Variants in ADCY2 observed in about 807,000 individuals in gnomAD.
ADCY2 encodes adenylate cyclase type 2.
A neutral mutation model predicts 125.2 loss-of-function variants in ADCY2; 31 were observed. The ratio of observed to expected loss-of-function variants is 0.25; its 90% CI spans 0.19 to 0.33. The LOEUF (loss-of-function observed/expected upper bound fraction) is 0.33. ADCY2 is among the 10% of genes least tolerant of loss of function. ADCY2 has a pLI of 1.00. For missense variants in ADCY2, 904 were observed against 1,418.2 expected (o/e 0.64, Z 5.82); for synonymous variants, 512 against 548.4 (o/e 0.93, Z 0.93).
At chr5:7,554,327 A>C (rs1735437750) in intron 3 of ADCY2, among the ~76,000 whole-genome samples, 1 of 152,216 alleles carries the variant, frequency 6.6e-6, no homozygotes, top group Admixed American at 6.5e-5. Context: ...ACATGAGAGA[A>C]CTTGAGGGTT....
At chr5:7,633,792 G>T (rs113039693) in intron 4 of ADCY2, among the ~76,000 whole-genome samples, 9 of 152,280 alleles carry the variant, frequency 5.9e-5, no homozygotes, top group African/African-American at 2.2e-4. Flanking sequence ...GAGAGGACCT[G>T]ATTTTGATGT....
chr5:7,747,716 C>T (rs1374541457), intron 15 of ADCY2, among the ~76,000 whole-genome samples: 1 of 152,208 alleles, frequency 6.6e-6, no homozygotes, highest in African/African-American at 2.4e-5. Flanking sequence ...CTTTGCACCA[C>T]CAACTCCTCT....
chr5:7,411,814 G>C (rs1018796811), intron 1 of ADCY2, among the ~76,000 whole-genome samples: 1 of 152,026 alleles, frequency 6.6e-6, no homozygotes, highest in Non-Finnish European at 1.5e-5. Context: ...GGTGGCTCAC[G>C]CCTGTAATCC....
At chr5:7,825,638 A>G (rs1745451993) in intron 24 of ADCY2, among the ~76,000 whole-genome samples, 1 of 152,220 alleles carries the variant, frequency 6.6e-6, no homozygotes, top group Admixed American at 6.5e-5. Context: ...GATACCTGCT[A>G]GGGGACACTG....
intron 3 of ADCY2, among the ~76,000 whole-genome samples, chr5:7,621,063 A>G (rs1330616547): frequency 6.6e-6 from 1 of 152,216 alleles, no homozygotes; most frequent in Non-Finnish European, 1.5e-5. Flanking sequence ...AATGCATAAC[A>G]TATCAAAGCC....
intron 16 of ADCY2, among the ~76,000 whole-genome samples, chr5:7,760,197 G>A (rs1743149440): frequency 6.6e-6 from 1 of 152,238 alleles, no homozygotes; most frequent in South Asian, 2.1e-4. Context: ...AAGCATGAGT[G>A]TGTTTTCTAA....
At chr5:7,526,453 G>A (rs1734464804) in intron 3 of ADCY2, among the ~76,000 whole-genome samples, 1 of 126,746 alleles carries the variant, frequency 7.9e-6, no homozygotes, top group South Asian at 2.8e-4. Context: ...TTTCAAAATA[G>A]TTAGTAGAGA....
intron 1 of ADCY2, among the ~76,000 whole-genome samples, chr5:7,406,612 G>A (rs1460898372): frequency 6.6e-6 from 1 of 152,120 alleles, no homozygotes; most frequent in Non-Finnish European, 1.5e-5. Flanking sequence ...TCTTCCCCGG[G>A]AGGTCCTTCT....
chr5:7,673,249 A>ATATATATAT, intron 4 of ADCY2, among the ~76,000 whole-genome samples: 1 of 19,134 alleles, frequency 5.2e-5, no homozygotes, highest in African/African-American at 1.5e-4. Context: ...CAAAAAAAAA[A>ATATATATAT]AAAAAAAAAA....
intron 18 of ADCY2, among the ~76,000 whole-genome samples, chr5:7,776,193 TAAAAAAAA>T (rs11332766): frequency 1.1e-5 from 1 of 91,530 alleles, no homozygotes; most frequent in African/African-American, 4.3e-5. Flanking sequence ...GTGAGATCCT[TAAAAAAAA>T]AAAAAAAAAA....
At chr5:7,618,503 T>G (rs1199946234) in intron 3 of ADCY2, among the ~76,000 whole-genome samples, 1 of 152,208 alleles carries the variant, frequency 6.6e-6, no homozygotes, top group Non-Finnish European at 1.5e-5. Context: ...AAATGGAGTA[T>G]TATTTTCTCC....
At chr5:7,569,886 C>T (rs1226327298) in intron 3 of ADCY2, among the ~76,000 whole-genome samples, 2 of 152,138 alleles carry the variant, frequency 1.3e-5, no homozygotes, top group Non-Finnish European at 2.9e-5. Context: ...CAGTCTTCTA[C>T]TCACACGTGT....
At chr5:7,732,738 ATGAG>A (rs778484230) in intron 14 of ADCY2, among the ~76,000 whole-genome samples, 1 of 152,208 alleles carries the variant, frequency 6.6e-6, no homozygotes, top group Admixed American at 6.5e-5. Flanking sequence ...AAAGAATTAA[ATGAG>A]TGAGTGAGTA....
intron 4 of ADCY2, among the ~76,000 whole-genome samples, chr5:7,653,641 C>T (rs1579280801): frequency 6.6e-6 from 1 of 151,928 alleles, no homozygotes; most frequent in African/African-American, 2.4e-5. Context: ...TGTTCTTTTC[C>T]TGGCACACAG....
chr5:7,433,815 G>A (rs1019526637), intron 2 of ADCY2, among the ~76,000 whole-genome samples: 1 of 151,740 alleles, frequency 6.6e-6, no homozygotes, highest in African/African-American at 2.4e-5. Context: ...AGAACAGGAG[G>A]GAGTACTTGA....
chr5:7,721,704 T>G (rs1190648309), intron 12 of ADCY2, among the ~76,000 whole-genome samples: 2 of 152,180 alleles, frequency 1.3e-5, no homozygotes. Flanking sequence ...ATCAGATGGT[T>G]GTAGATGTGT....
In ADCY2 at chr5:7,827,811, TA is replaced by T. The variant is rs1384173294; in HGVS notation, c.*942del. 1 of 152,354 alleles carries T rather than the reference TA, an allele frequency of 6.6e-6. No homozygotes were observed. Among genetic ancestry groups the T allele is most frequent in the Non-Finnish European group, 1.5e-5 (1 of 68,040 alleles). 9.4% of individuals were successfully genotyped at this position (152,354 alleles called of 1,614,324 possible). On this transcript the variant is annotated 3_prime_UTR_variant, in exon 25 of 25. Transcript: ENST00000338316. The stretch of plus-strand genomic sequence containing the variant: ...AGAACGCTTTCAGGGAAAAATACTT[TA>T]ATAGTAAAAAGATTCTCTGCGAGCA...
chr5:7,762,890 G>A (rs1743268555), intron 16 of ADCY2, among the ~76,000 whole-genome samples: 2 of 151,994 alleles, frequency 1.3e-5, no homozygotes, highest in Non-Finnish European at 2.9e-5. Context: ...CTGTGGGCGC[G>A]CATATGCTTT....
At chr5:7,551,854 G>C (rs1323517786) in intron 3 of ADCY2, among the ~76,000 whole-genome samples, 2 of 152,152 alleles carry the variant, frequency 1.3e-5, no homozygotes, top group Non-Finnish European at 2.9e-5. Context: ...GACCTACAGA[G>C]GTCACAGATG....
Sources: gnomAD v4.1 joint callset for allele counts (sites outside exome capture counted in the v4.1 genomes callset) on GRCh38, gnomAD v4.1.1 for gene constraint, MANE v1.5 for transcripts, NCBI Gene and HGNC (gene_info 2026-07-23, HGNC 2026-07-21) for gene names.